The following ARHGEF3 variants were observed in gnomAD, a reference collection of about 807,000 sequenced individuals.
ARHGEF3 encodes the protein Rho guanine nucleotide exchange factor 3.
In ARHGEF3, 28 loss-of-function variants were observed where a neutral mutation model predicts 63.2. The observed-to-expected ratio is 0.44, with a 90% confidence interval of 0.33 to 0.61. The LOEUF is 0.61. Ranked by LOEUF, ARHGEF3 falls within the 20% of genes least tolerant of loss-of-function variation. ARHGEF3 has a pLI of 0.03. For synonymous variants in ARHGEF3, 266 were observed against 254.2 expected (o/e 1.05, Z -0.44); for missense variants, 533 against 659.3 (o/e 0.81, Z 2.10).
At chr3:56,991,488 C>T (rs1041839058) in intron 2 of ARHGEF3, among the ~76,000 whole-genome samples, 3 of 152,146 alleles carry the variant, frequency 2.0e-5, no homozygotes, top group African/African-American at 7.2e-5. Context: ...GATTAGGGCC[C>T]AGACTCTGTA....
At chr3:56,732,056 G>T in intron 9 of ARHGEF3, 182 bp downstream of exon 9, 2 of 695,522 alleles carry the variant, frequency 2.9e-6, no homozygotes, top group Non-Finnish European at 4.8e-6. Flanking sequence ...TTTCCATTTT[G>T]GAGATGAGAA....
chr3:56,861,425 T>G (rs1037668330), intron 4 of ARHGEF3, among the ~76,000 whole-genome samples: 27 of 152,052 alleles, frequency 1.8e-4, no homozygotes, highest in African/African-American at 6.5e-4. Context: ...CCTCAAATGC[T>G]CAAAATTTAA....
chr3:56,961,164 C>T (rs965207667), intron 2 of ARHGEF3, among the ~76,000 whole-genome samples: 16 of 151,970 alleles, frequency 1.1e-4, no homozygotes, highest in African/African-American at 3.6e-4. Context: ...AAATACATGA[C>T]ATACAGACAG....
At chr3:57,068,857 AT>A (rs1192399178) in intron 1 of ARHGEF3, among the ~76,000 whole-genome samples, 2 of 151,940 alleles carry the variant, frequency 1.3e-5, no homozygotes, top group East Asian at 3.9e-4. Context: ...TGGAAACAAA[AT>A]CCCTATGAAC....
rs1230471439 is a variant in ARHGEF3 at position 56,751,389 on chromosome 3, T to C, written c.446A>G (p.His149Arg). The change falls in exon 5 of 10, where the codon CAT (histidine) becomes CGT (arginine). Residue 149 changes from histidine (H) to arginine (R), a missense_variant. His to Arg is a conservative substitution (Grantham distance 29). This residue lies in a region of ARHGEF3 where 107 missense variants were observed against 207.9 expected (regional missense o/e 0.51). Coordinates refer to ENST00000296315, the MANE Select transcript of ARHGEF3 (RefSeq NM_019555.3). ...EDLKLAKKAYHDPMLKLSIMT... is the reference protein window; with the variant it reads ...EDLKLAKKAYRDPMLKLSIMT... ...TATGGAGAGTTTCAGCATGGGGTCA[T>C]GATAGGCCTGCACAAAAACGGCAAG... 4.3e-6 allele frequency: 7 copies of C among 1,613,832 alleles called. No individual in the cohort carries two copies. In the South Asian group the frequency reaches 5.5e-5, roughly 13 times the overall value.
chr3:56,890,225 T>G (rs1560024914), intron 3 of ARHGEF3, among the ~76,000 whole-genome samples: 2 of 152,296 alleles, frequency 1.3e-5, no homozygotes, highest in East Asian at 3.9e-4. Flanking sequence ...GGTGTGACCT[T>G]GGGCAAATTA....
chr3:56,931,293 T>C (rs892992247), intron 3 of ARHGEF3, among the ~76,000 whole-genome samples: 4 of 152,134 alleles, frequency 2.6e-5, no homozygotes, highest in African/African-American at 9.7e-5. Flanking sequence ...CATATCTTTT[T>C]GGCCAGGTGC....
intron 3 of ARHGEF3, among the ~76,000 whole-genome samples, chr3:56,901,381 T>A (rs899379799): frequency 7.3e-6 from 1 of 136,982 alleles, no homozygotes; most frequent in African/African-American, 3.5e-5. Context: ...TGTATATGTA[T>A]ATGTATATGT....
At chr3:56,737,426 C>T in intron 7 of ARHGEF3, 71 bp from the exon 8 acceptor site, 1 of 1,356,638 alleles carries the variant, frequency 7.4e-7, no homozygotes, top group Non-Finnish European at 1.0e-6. Context: ...CTTAGGGGCT[C>T]AGCCTAGAAG....
chr3:56,736,760 T>C (rs2033650315), intron 8 of ARHGEF3, among the ~76,000 whole-genome samples: 1 of 152,144 alleles, frequency 6.6e-6, no homozygotes, highest in African/African-American at 2.4e-5. Flanking sequence ...ACACATATGA[T>C]CCTGTGATAT....
At chr3:56,801,951 G>A (rs1266124071), upstream of ARHGEF3, 2 of 1,533,420 alleles carry the variant, frequency 1.3e-6, no homozygotes, top group Non-Finnish European at 8.7e-7. Flanking sequence ...GACTCGACTG[G>A]GCTCCGGAGC....
At chr3:57,040,299 A>T (rs1302403578) in intron 1 of ARHGEF3, among the ~76,000 whole-genome samples, 2 of 151,338 alleles carry the variant, frequency 1.3e-5, no homozygotes, top group Admixed American at 1.3e-4. Flanking sequence ...AACATGGTGA[A>T]ACCCCATCTC....
intron 4 of ARHGEF3, among the ~76,000 whole-genome samples, chr3:56,814,620 G>A (rs750754169): frequency 8.6e-5 from 13 of 152,034 alleles, no homozygotes; most frequent in East Asian, 3.9e-4. Context: ...CAGTTAGCAC[G>A]TCATGCTATT....
intron 3 of ARHGEF3, among the ~76,000 whole-genome samples, chr3:56,912,389 A>G (rs2041876227): frequency 6.6e-6 from 1 of 152,226 alleles, no homozygotes; most frequent in Non-Finnish European, 1.5e-5. Context: ...TGTTGCACAT[A>G]ATAGGAGATC....
At chr3:56,787,333 G>A (rs979847623) in intron 1 of ARHGEF3, among the ~76,000 whole-genome samples, 4 of 152,120 alleles carry the variant, frequency 2.6e-5, no homozygotes, top group Non-Finnish European at 5.9e-5. Context: ...GATCAATTGC[G>A]ATTAAATAAA....
At chr3:57,045,348 C>T (rs969402440) in intron 1 of ARHGEF3, among the ~76,000 whole-genome samples, 1 of 152,208 alleles carries the variant, frequency 6.6e-6, no homozygotes, top group Non-Finnish European at 1.5e-5. Context: ...CATGGACACT[C>T]AGTATGTTTT....
At chr3:56,984,309 T>G (rs1327239950) in intron 2 of ARHGEF3, among the ~76,000 whole-genome samples, 1 of 152,204 alleles carries the variant, frequency 6.6e-6, no homozygotes, top group African/African-American at 2.4e-5. Context: ...GCAGGGACCC[T>G]GCCTGTCGCA....
intron 1 of ARHGEF3, among the ~76,000 whole-genome samples, chr3:57,044,425 C>T (rs534405486): frequency 6.6e-6 from 1 of 152,326 alleles, no homozygotes; most frequent in East Asian, 1.9e-4. Flanking sequence ...AAGGAAGATG[C>T]ATGCTGGGGA....
At chr3:56,744,072 T>C (rs942102949) in intron 7 of ARHGEF3, among the ~76,000 whole-genome samples, 2 of 152,182 alleles carry the variant, frequency 1.3e-5, no homozygotes, top group African/African-American at 4.8e-5. Flanking sequence ...AAAACCTCTA[T>C]AACCAGATCT....
Sources: gnomAD v4.1 joint callset for allele counts (sites outside exome capture counted in the v4.1 genomes callset) on GRCh38, gnomAD v4.1.1 for gene constraint, gnomAD v4.1.1 regional missense constraint, MANE v1.5 for transcripts, NCBI Gene and HGNC (gene_info 2026-07-23, HGNC 2026-07-21) for gene names.